GOT2: variants seen among roughly 807,000 people sequenced by gnomAD.
The protein encoded by GOT2 is glutamic-oxaloacetic transaminase 2.
A neutral mutation model predicts 50.0 loss-of-function variants in GOT2; 17 were observed. The observed-to-expected ratio is 0.34, with a 90% CI of 0.23 to 0.51. The LOEUF (loss-of-function observed/expected upper bound fraction) is 0.51. GOT2 is among the 20% of genes least tolerant of loss of function. The pLI, the probability that GOT2 is intolerant of heterozygous loss-of-function variation, is 0.97. For missense variants in GOT2, 430 were observed against 559.6 expected, an observed-to-expected ratio of 0.77 and a Z score of 2.34; for synonymous variants, 172 against 204.9, an observed-to-expected ratio of 0.84 and a Z score of 1.37.
chr16:58,716,833 C>G lies in GOT2; in HGVS notation c.703-20G>C. 6.2e-7 allele frequency: 1 copy of G among 1,612,914 alleles called. No homozygotes were observed. Among genetic ancestry groups the G allele is most frequent in the Non-Finnish European group, 8.5e-7 (1 of 1,179,250 alleles). Reference sequence around the variant, plus strand: ...CCTTTTCTGAGAAGGAACGAAAGATCGAAGCTTTAGCAGTCTTTCTGAAGA... The same window carrying G: ...CCTTTTCTGAGAAGGAACGAAAGATGGAAGCTTTAGCAGTCTTTCTGAAGA... On this transcript the variant is annotated intron_variant, in intron 6 of 9. Coordinates refer to ENST00000245206, the MANE Select transcript of GOT2 (RefSeq NM_002080.4).
rs768060126 is a variant in GOT2, at chr16:58,716,090, T to C, written c.943A>G (p.Met315Val). 1.6e-5 allele frequency: 26 copies of C among 1,613,864 alleles called. No individual in the cohort carries two copies. In the African/African-American group the frequency reaches 2.1e-4, roughly 13 times the overall value. The change falls in exon 8 of 10, where the codon ATG (methionine) becomes GTG (valine). Residue 315 changes from methionine (M) to valine (V), a missense_variant. Physicochemically the swap from Met to Val is conservative, Grantham distance 21. Coordinates refer to ENST00000245206, the MANE Select transcript of GOT2 (RefSeq NM_002080.4). Reference sequence around the variant, plus strand: ...CCATTGAGGGGAGGGTTGGAATACATGGGACGGATCAAGATCTTCAACTGT... The same window carrying C: ...CCATTGAGGGGAGGGTTGGAATACACGGGACGGATCAAGATCTTCAACTGT... ...ESQLKILIRP[M>V]YSNPPLNGAR...
At chr16:58,718,423 C>T (rs539969936) in intron 5 of GOT2, 104 bp downstream of exon 5, 8 of 1,334,390 alleles carry the variant, frequency 6.0e-6, no homozygotes, top group Middle Eastern at 3.8e-4. Flanking sequence ...GGAATCAGCT[C>T]TTCCCCAGTA....
intron 8 of GOT2, among the ~76,000 whole-genome samples, chr16:58,714,508 C>T (rs910721014): frequency 6.6e-6 from 1 of 150,574 alleles, no homozygotes; most frequent in African/African-American, 2.4e-5. Flanking sequence ...GCCGAGATCC[C>T]GCCACTGCAC....
intron 1 of GOT2, among the ~76,000 whole-genome samples, chr16:58,733,256 A>T (rs2044850105): frequency 6.6e-6 from 1 of 151,998 alleles, no homozygotes; most frequent in Non-Finnish European, 1.5e-5. Flanking sequence ...CCATACTATT[A>T]TACACGCCAC....
intron 9 of GOT2, 91 bp from the exon 10 acceptor site, chr16:58,708,384 T>G: frequency 1.6e-6 from 2 of 1,249,736 alleles, no homozygotes; most frequent in Non-Finnish European, 2.2e-6. Context: ...ACCAACGCTC[T>G]ATTTCCTCGC....
chr16:58,734,015 G>T, intron 1 of GOT2, 125 bp downstream of exon 1: 1 of 311,814 alleles, frequency 3.2e-6, no homozygotes, highest in Non-Finnish European at 4.7e-6. Flanking sequence ...GCAGAAAAGT[G>T]TGTGTGTGTG....
chr16:58,715,205 A>G (rs1299414250), intron 8 of GOT2, among the ~76,000 whole-genome samples: 1 of 152,032 alleles, frequency 6.6e-6, no homozygotes, highest in East Asian at 1.9e-4. Flanking sequence ...AACATATGCA[A>G]AAATACGGAT....
chr16:58,715,741 G>A (rs1006423605), intron 8 of GOT2, among the ~76,000 whole-genome samples: 2 of 152,056 alleles, frequency 1.3e-5, no homozygotes, highest in South Asian at 2.1e-4. Context: ...CAGTAGAGAC[G>A]GGGTTTCTCC....
In GOT2 at chr16:58,726,510, T is replaced by TATTTATTTATTTATTC. The variant is rs1555509479; in HGVS notation, c.90-2609_90-2608insGAATAAATAAATAAAT. On this transcript the variant is annotated intron_variant, in intron 1 of 9. Coordinates refer to ENST00000245206, the MANE Select transcript of GOT2 (RefSeq NM_002080.4). ...TTATTTATTTATTTATTTATTTATT[T>TATTTATTTATTTATTC]TTGAGACGGAGTCTTGCTCTGTCAC... 2.3e-3 allele frequency among the ~76,000 whole-genome samples: 346 copies of TATTTATTTATTTATTC among 151,134 alleles called. 2 individuals carry two copies. Among genetic ancestry groups the TATTTATTTATTTATTC allele is most frequent in the African/African-American group, 7.7e-3 (316 of 41,124 alleles).
chr16:58,730,621 T>C (rs1052459022), intron 1 of GOT2, among the ~76,000 whole-genome samples: 7 of 152,078 alleles, frequency 4.6e-5, no homozygotes, highest in African/African-American at 1.7e-4. Context: ...TACCTTAGCA[T>C]CCCAAAGTGC....
At chr16:58,710,697 C>A (rs1374758836) in intron 8 of GOT2, among the ~76,000 whole-genome samples, 1 of 148,572 alleles carries the variant, frequency 6.7e-6, no homozygotes, top group East Asian at 2.0e-4. Flanking sequence ...CTGGCTAACA[C>A]GGTGAAACCC....
At chr16:58,718,050 G>A (rs2044708872) in intron 6 of GOT2, 146 bp downstream of exon 6, 3 of 719,038 alleles carry the variant, frequency 4.2e-6, no homozygotes, top group Non-Finnish European at 7.7e-6. Flanking sequence ...ACGCAAATGG[G>A]GAGCCCTTTT....
chr16:58,718,205 T>C lies in GOT2; in HGVS notation c.693A>G (p.Thr231=). 1 of 1,610,878 alleles carries C rather than the reference T, an allele frequency of 6.2e-7. No individual in the cohort carries two copies. Residue 231 remains threonine, a synonymous_variant, in exon 6 of 10, where the codon ACA becomes ACG. Transcript: ENST00000245206. ...PRPEQWKEIA[T]VVKKRNLFAF... is the part of the protein sequence containing the mutation. ...AGTTCATCGTCCTCACCTTCACCAC[T>C]GTTGCTATTTCCTTCCACTGTTCCG...
chr16:58,722,151 C>A lies in GOT2; in HGVS notation c.374G>T (p.Arg125Leu). 6.2e-7 allele frequency: 1 copy of A among 1,611,892 alleles called. No homozygotes were observed. The highest frequency in any genetic ancestry group is 8.5e-7 in the Non-Finnish European group (1 of 1,179,820). Residue 125 changes from arginine (R) to leucine (L), a missense_variant and splice_region_variant, in exon 3 of 10, where the codon CGG becomes CTG. Arg to Leu is a moderately radical substitution (Grantham distance 102). Coordinates refer to ENST00000245206, the MANE Select transcript of GOT2 (RefSeq NM_002080.4). ...GATGCCAGAGCCTGCTCAGCTTACC[C>A]GGCCACTCTTCAAGACTTCGCTGTT... ...GENSEVLKSG[R>L]FVTVQTISGT...
chr16:58,716,742 G>A lies in GOT2; in HGVS notation c.774C>T (p.Ala258=). The A allele has an allele frequency of 1.2e-6, 2 of 1,613,830 alleles. No individual in the cohort carries two copies. The highest frequency in any genetic ancestry group is 8.5e-7 in the Non-Finnish European group (1 of 1,179,708). Residue 258 remains alanine (A), a synonymous_variant, in exon 7 of 10, where the codon GCC becomes GCT. Coordinates refer to ENST00000245206, the MANE Select transcript of GOT2 (RefSeq NM_002080.4). ...GFASGDGDKD[A]WAVRHFIEQG... The stretch of plus-strand genomic sequence containing the variant: ...GTTCGATGAAGTGGCGCACAGCCCA[G>A]GCATCCTTATCACCATCACCACTGG...
chr16:58,711,596 G>A (rs1200627913), intron 8 of GOT2, among the ~76,000 whole-genome samples: 2 of 152,178 alleles, frequency 1.3e-5, no homozygotes, highest in East Asian at 1.9e-4. Context: ...CCAGTGAAAC[G>A]TTTTTAAATT....
intron 1 of GOT2, among the ~76,000 whole-genome samples, chr16:58,724,904 A>T (rs988307404): frequency 6.6e-6 from 1 of 152,098 alleles, no homozygotes; most frequent in African/African-American, 2.4e-5. Context: ...CTGTTCCACG[A>T]TTCCATCTAG....
In GOT2 at chr16:58,708,273, C is replaced by T. The variant is rs1477224619; in HGVS notation, c.1191G>A (p.Glu397=). Residue 397 remains glutamate (E), a synonymous_variant, in exon 10 of 10, where the codon GAG becomes GAA. Coordinates refer to ENST00000245206, the MANE Select transcript of GOT2 (RefSeq NM_002080.4). ...KPEQVERLIK[E]FSIYMTKDGR... ...CATCTTTTGTCATGTAGATGGAGAA[C>T]TCCTTGATCAGCCGCTCCACCTGCA... 2 of 1,613,932 alleles carry T rather than the reference C, an allele frequency of 1.2e-6. No individual in the cohort carries two copies. The highest frequency in any genetic ancestry group is 2.2e-5 in the East Asian group (1 of 44,882).
intron 1 of GOT2, among the ~76,000 whole-genome samples, chr16:58,725,100 A>G (rs1210407160): frequency 8.6e-6 from 1 of 116,854 alleles, no homozygotes; most frequent in Non-Finnish European, 1.7e-5. Flanking sequence ...CAGCTTGACA[A>G]TTTCTTTCTT....
Sources: allele counts gnomAD v4.1 joint callset (sites outside exome capture counted in the v4.1 genomes callset), GRCh38; gene constraint gnomAD v4.1.1; transcripts MANE v1.5; gene names NCBI Gene and HGNC (gene_info 2026-07-23, HGNC 2026-07-21).